Variants in GTF3C3 observed in about 807,000 individuals in gnomAD.
The protein encoded by GTF3C3 is general transcription factor 3C polypeptide 3.
In GTF3C3, 75 loss-of-function variants were observed where a neutral mutation model predicts 105.2. That is an observed-to-expected ratio of 0.71 (90% CI 0.59 to 0.86). The LOEUF (loss-of-function observed/expected upper bound fraction) is 0.86, where lower values mean the gene tolerates loss of function less well. Among genes scored for constraint, GTF3C3 ranks in the 40% least tolerant of loss-of-function variants. The probability of loss-of-function intolerance (pLI) is 0.00; values close to 1 mark genes in which losing one functional copy is unlikely to be tolerated. For missense variants in GTF3C3, 856 were observed against 1,076.5 expected (o/e 0.80, Z 2.87); for synonymous variants, 335 against 370.4 (o/e 0.90, Z 1.10).
Position 196,789,271 on chromosome 2 carries a change from G to A in GTF3C3, c.826C>T (p.Arg276Cys), listed in dbSNP as rs779454458. 1.2e-6 allele frequency: 2 copies of A among 1,613,128 alleles called. No homozygotes were observed. Among genetic ancestry groups the A allele is most frequent in the South Asian group, 1.1e-5 (1 of 90,998 alleles). ...GATGGAGACAAAAGGTTTAAAATAC[G>A]CCTATAACCATCCATGGCCATTTTA... ...DHKMAMDGYRRILNLLSPSDG... is the reference protein window; with the variant it reads ...DHKMAMDGYRCILNLLSPSDG... Residue 276 changes from arginine to cysteine, a missense_variant, in exon 6 of 18, where the codon CGT becomes TGT. Arg to Cys is a radical substitution (Grantham distance 180, BLOSUM62 -3). Coordinates refer to ENST00000263956, the MANE Select transcript of GTF3C3 (RefSeq NM_012086.5).
At chr2:196,780,404 A>C (rs1699327182) in intron 9 of GTF3C3, 155 bp downstream of exon 9, 8 of 1,285,612 alleles carry the variant, frequency 6.2e-6, no homozygotes, top group Middle Eastern at 2.3e-4. Flanking sequence ...TAGTTTTTAT[A>C]AGATATTCAT....
At chr2:196,780,503 G>A (rs1699329078) in intron 9 of GTF3C3, 56 bp downstream of exon 9, 1 of 1,572,916 alleles carries the variant, frequency 6.4e-7, no homozygotes. Context: ...GACATCTAAA[G>A]AAAAGAGATG....
chr2:196,767,721 C>T (rs1699093085), intron 16 of GTF3C3, among the ~76,000 whole-genome samples: 1 of 151,840 alleles, frequency 6.6e-6, no homozygotes, highest in African/African-American at 2.4e-5. Context: ...GCAGACTATT[C>T]GACTGCAAAG....
rs780465363 is a variant in GTF3C3 at position 196,799,605 on chromosome 2, C to G, written c.7G>C (p.Gly3Arg). ...TAGTCGATGAGTTCCGGACTGAACC[C>G]TGACATGTTTACAGGGTCTGTCTGT... The part of the protein sequence containing the change: MS[G>R]FSPELIDYLE... Residue 3 changes from glycine to arginine, a missense_variant, in exon 1 of 18, where the codon GGG becomes CGG. Coordinates refer to ENST00000263956, the MANE Select transcript of GTF3C3 (RefSeq NM_012086.5). The G allele has an allele frequency of 6.2e-7, 1 of 1,612,296 alleles. No individual in the cohort carries two copies. The highest frequency in any genetic ancestry group is 8.5e-7 in the Non-Finnish European group (1 of 1,178,348).
intron 1 of GTF3C3, among the ~76,000 whole-genome samples, chr2:196,798,361 C>CA (rs1699684045): frequency 6.6e-6 from 1 of 151,266 alleles, no homozygotes; most frequent in African/African-American, 2.4e-5. Context: ...CCTGTCTCTA[C>CA]AAAAAATACA....
chr2:196,797,108 A>G (rs1460573655), intron 2 of GTF3C3, among the ~76,000 whole-genome samples: 1 of 152,236 alleles, frequency 6.6e-6, no homozygotes, highest in Non-Finnish European at 1.5e-5. Context: ...ATGAAGCTAC[A>G]TTCTAACTGA....
At chr2:196,778,578 A>G (rs1699295324) in intron 10 of GTF3C3, 2 of 285,780 alleles carry the variant, frequency 7.0e-6, no homozygotes, top group South Asian at 5.2e-5. Context: ...AAACTCTTCA[A>G]AATTAGATTT....
chr2:196,798,260 C>T (rs1256960946), intron 1 of GTF3C3, among the ~76,000 whole-genome samples: 1 of 152,118 alleles, frequency 6.6e-6, no homozygotes, highest in Non-Finnish European at 1.5e-5. Context: ...CTTGGTGGCT[C>T]ACATCTGTAA....
At position 196,780,666 on chromosome 2, in the gene GTF3C3, G is replaced by A; in HGVS notation, c.1115-4C>T. On this transcript the variant is annotated splice_region_variant and splice_polypyrimidine_tract_variant and intron_variant, in intron 8 of 17. Coordinates refer to ENST00000263956, the MANE Select transcript of GTF3C3 (RefSeq NM_012086.5). The stretch of plus-strand genomic sequence containing the variant: ...GTGCAGGTAACATTCTCAGGAGCTG[G>A]AGAATACACAGACAAGAAGCAGTTA... 1 of 1,609,842 alleles carries A rather than the reference G, an allele frequency of 6.2e-7. No individual in the cohort carries two copies. Among genetic ancestry groups the A allele is most frequent in the Non-Finnish European group, 8.5e-7 (1 of 1,177,452 alleles).
At chr2:196,771,978 A>C in intron 14 of GTF3C3, 40 bp from the exon 15 acceptor site, 1 of 1,385,308 alleles carries the variant, frequency 7.2e-7, no homozygotes, top group Non-Finnish European at 1.0e-6. Context: ...AAATAATGTA[A>C]AAATCTTCCT....
chr2:196,799,580 T>G lies in GTF3C3; in HGVS notation c.32A>C (p.Tyr11Ser). ...CTCAAAGGAGATTTTCCCTTCCAAG[T>G]AGTCGATGAGTTCCGGACTGAACCC... MSGFSPELIDYLEGKISFEEF... is the reference protein window; with the variant it reads MSGFSPELIDSLEGKISFEEF... Residue 11 changes from tyrosine to serine, a missense_variant, in exon 1 of 18, where the codon TAC (tyrosine) becomes TCC (serine). Physicochemically the swap from Tyr to Ser is moderately radical, Grantham distance 144. This residue lies in a region of GTF3C3 where 117 missense variants were observed against 114.0 expected (regional missense o/e 1.03). Coordinates refer to ENST00000263956, the MANE Select transcript of GTF3C3 (RefSeq NM_012086.5). The G allele has an allele frequency of 1.2e-6, 2 of 1,614,052 alleles. No individual in the cohort carries two copies. Among genetic ancestry groups the G allele is most frequent in the Non-Finnish European group, 1.7e-6 (2 of 1,179,892 alleles).
At chr2:196,768,456 G>A (rs1699111338) in intron 16 of GTF3C3, among the ~76,000 whole-genome samples, 1 of 152,008 alleles carries the variant, frequency 6.6e-6, no homozygotes, top group Non-Finnish European at 1.5e-5. Context: ...TAGAAGTAAT[G>A]AAACATTGAC....
At chr2:196,772,513 A>G (rs997496963) in intron 14 of GTF3C3, among the ~76,000 whole-genome samples, 1 of 152,116 alleles carries the variant, frequency 6.6e-6, no homozygotes, top group Admixed American at 6.5e-5. Flanking sequence ...GTGTCATTGC[A>G]CTCCAGCCTG....
At chr2:196,765,116 G>A (rs556265440) in intron 17 of GTF3C3, among the ~76,000 whole-genome samples, 1 of 152,222 alleles carries the variant, frequency 6.6e-6, no homozygotes, top group South Asian at 2.1e-4. Flanking sequence ...GAACACCAAT[G>A]AGCCAATGGG....
Position 196,789,304 on chromosome 2 carries a change from C to G in GTF3C3, c.793G>C (p.Gly265Arg). The change falls in exon 6 of 18, where the codon GGT becomes CGT. Residue 265 changes from glycine to arginine, a missense_variant. Coordinates refer to ENST00000263956, the MANE Select transcript of GTF3C3 (RefSeq NM_012086.5). ...CCATCCATGGCCATTTTATGATCAC[C>G]CATCTGTTCATAAAGGCTTGATCGC... Reference protein sequence around the residue: ...WERSSLYEQMGDHKMAMDGYR... With the variant: ...WERSSLYEQMRDHKMAMDGYR... The G allele has an allele frequency of 6.2e-7, 1 of 1,612,010 alleles. No homozygotes were observed. The highest frequency in any genetic ancestry group is 8.5e-7 in the Non-Finnish European group (1 of 1,178,290).
chr2:196,768,495 A>C (rs1699112250), intron 16 of GTF3C3, among the ~76,000 whole-genome samples: 1 of 152,212 alleles, frequency 6.6e-6, no homozygotes, highest in Non-Finnish European at 1.5e-5. Context: ...ATATAAAGGT[A>C]AGAAAGATAA....
intron 1 of GTF3C3, among the ~76,000 whole-genome samples, chr2:196,798,567 A>G (rs1190638095): frequency 1.3e-5 from 2 of 151,674 alleles, no homozygotes; most frequent in Non-Finnish European, 2.9e-5. Flanking sequence ...AGTCCCTACT[A>G]CTCGCATGAA....
At chr2:196,764,740 A>G (rs1381771272) in intron 17 of GTF3C3, 55 bp from the exon 18 acceptor site, 17 of 1,472,778 alleles carry the variant, frequency 1.2e-5, no homozygotes, top group Non-Finnish European at 1.5e-5. Context: ...AACCGGGACA[A>G]TTTTATGGCA....
chr2:196,768,998 G>A (rs1361948486), intron 16 of GTF3C3, among the ~76,000 whole-genome samples: 4 of 151,938 alleles, frequency 2.6e-5, no homozygotes, highest in Non-Finnish European at 5.9e-5. Flanking sequence ...ACATTACTTA[G>A]TACAGCAAAT....
Sources: gnomAD v4.1 joint callset for allele counts (sites outside exome capture counted in the v4.1 genomes callset) on GRCh38, gnomAD v4.1.1 for gene constraint, gnomAD v4.1.1 regional missense constraint, MANE v1.5 for transcripts, NCBI Gene and HGNC (gene_info 2026-07-23, HGNC 2026-07-21) for gene names.